Variants in ZNF469 observed in about 807,000 individuals in gnomAD.
The protein encoded by ZNF469 is zinc finger protein 469.
ZNF469 carries 1 observed loss-of-function variant against 1.0 expected under a neutral mutation model. The ratio of observed to expected loss-of-function variants is 1.00; its 90% CI spans 0.35 to 4.73. ZNF469 has a LOEUF of 4.73. Ranked by LOEUF, ZNF469 falls within the 30% of genes most tolerant of loss-of-function variation. ZNF469 has a pLI of 0.16. For missense variants in ZNF469, 6,100 were observed against 5,356.3 expected, an observed-to-expected ratio of 1.14 and a Z score of -4.33; for synonymous variants, 2,703 against 2,363.4, an observed-to-expected ratio of 1.14 and a Z score of -4.17.
rs144565745 is a variant in ZNF469, at chr16:88,418,997, G to A, written c.-191-5810G>A. 2.5e-3 allele frequency among the ~76,000 whole-genome samples: 384 copies of A among 152,330 alleles called. 3 individuals carry two copies. The highest frequency in any genetic ancestry group is 8.8e-3 in the African/African-American group (365 of 41,570). On this transcript the variant is annotated intron_variant, in intron 1 of 2. Coordinates refer to ENST00000565624, the MANE Select transcript of ZNF469 (RefSeq NM_001367624.2). ...ACCAGGGTTTGGGGTGAGCCTGGCC[G>A]CCTGCCCAAGTTGTGAATGGGGCCG...
rs770109867 is a variant in ZNF469 at position 88,439,015 on chromosome 16, C to T, written c.11545C>T (p.Arg3849Trp). ...CCCTGACAAGCCCCCCCGGACCCCT[C>T]GGAAGCAGGCAACTCCCAGCCGCGT... ...SAPDKPPRTP[R>W]KQATPSRVLP... Residue 3849 changes from arginine (R) to tryptophan (W), a missense_variant, in exon 3 of 3, where the codon CGG becomes TGG. Physicochemically the swap from Arg to Trp is moderately radical, Grantham distance 101. Transcript: ENST00000565624. The T allele has an allele frequency of 9.3e-5, 144 of 1,550,306 alleles. No individual in the cohort carries two copies. The highest frequency in any genetic ancestry group is 1.2e-4 in the Non-Finnish European group (136 of 1,146,990).
chr16:88,134,414 G>A, the ZNF469 span, among the ~76,000 whole-genome samples: 3,483 of 152,292 alleles, frequency 0.023, 121 homozygotes, highest in African/African-American at 0.079. Context: ...GGTCTGCGTG[G>A]TTGCACCACC....
chr16:88,266,182 G>A, the ZNF469 span, among the ~76,000 whole-genome samples: 2 of 152,260 alleles, frequency 1.3e-5, no homozygotes, highest in Admixed American at 1.3e-4. Context: ...AGGCTCAGGA[G>A]GGCAGGGGGC....
chr16:88,229,810 C>T, the ZNF469 span, among the ~76,000 whole-genome samples: 5 of 152,178 alleles, frequency 3.3e-5, no homozygotes, highest in Admixed American at 3.3e-4. Flanking sequence ...ACCTCCTCCT[C>T]CACTCTGCCC....
chr16:88,367,111 G>A, the ZNF469 span, among the ~76,000 whole-genome samples: 6 of 152,264 alleles, frequency 3.9e-5, no homozygotes, highest in East Asian at 1.2e-3. Context: ...TCCCCTCAGT[G>A]CCTGTCACAG....
At chr16:88,231,709 C>T in the ZNF469 span, among the ~76,000 whole-genome samples, 1 of 152,190 alleles carries the variant, frequency 6.6e-6, no homozygotes, top group Non-Finnish European at 1.5e-5. The surrounding 1 kb of genome is among the most constrained non-coding windows in gnomAD (Gnocchi z 4.5). Flanking sequence ...CCTGTGAGCC[C>T]CCCGCCTCCC....
the ZNF469 span, among the ~76,000 whole-genome samples, chr16:88,362,889 C>G: frequency 6.6e-6 from 1 of 152,310 alleles, no homozygotes; most frequent in African/African-American, 2.4e-5. Flanking sequence ...CTCTGAGGCT[C>G]TGTTAATTTT....
the ZNF469 span, among the ~76,000 whole-genome samples, chr16:88,127,066 G>A: frequency 0.1 from 15,460 of 152,104 alleles, 868 homozygotes; most frequent in African/African-American, 0.13. Flanking sequence ...CAGGTGATCC[G>A]TCCGCCTCGG....
At chr16:88,414,388 G>T (rs1905252372) in intron 1 of ZNF469, among the ~76,000 whole-genome samples, 1 of 152,254 alleles carries the variant, frequency 6.6e-6, no homozygotes, top group African/African-American at 2.4e-5. Context: ...GGGGCACCTG[G>T]AGGAGGCCAC....
At position 88,436,702 on chromosome 16, in the gene ZNF469, T is replaced by A. The variant is rs1420087483; in HGVS notation, c.9232T>A (p.Phe3078Ile). 1 of 1,549,840 alleles carries A rather than the reference T, an allele frequency of 6.5e-7. No individual in the cohort carries two copies. The highest frequency in any genetic ancestry group is 8.7e-7 in the Non-Finnish European group (1 of 1,146,654). Residue 3078 changes from phenylalanine (F) to isoleucine (I), a missense_variant, in exon 3 of 3, where the codon TTC (phenylalanine) becomes ATC (isoleucine). Transcript: ENST00000565624. Reference sequence around the variant, plus strand: ...TCTCCCCGGCCCCAGCTTCTTAGACTTCGAGGGCACGGCGAGCTCACAGGG... The same window carrying A: ...TCTCCCCGGCCCCAGCTTCTTAGACATCGAGGGCACGGCGAGCTCACAGGG... ...VGLPGPSFLD[F>I]EGTASSQGPQ...
the ZNF469 span, among the ~76,000 whole-genome samples, chr16:88,324,053 C>T: frequency 1.3e-5 from 2 of 152,242 alleles, no homozygotes; most frequent in Non-Finnish European, 2.9e-5. Flanking sequence ...ACACAGGCTT[C>T]AGCTGGAGCA....
At chr16:88,247,737 ATGAG>A in the ZNF469 span, among the ~76,000 whole-genome samples, 4 of 151,558 alleles carry the variant, frequency 2.6e-5, no homozygotes, top group East Asian at 5.9e-4. Context: ...GAGTGAGTCA[ATGAG>A]TGAGTGAATG....
rs754253956 is a variant in ZNF469 at position 88,433,560 on chromosome 16, C to T, written c.6090C>T (p.Thr2030=). The change falls in exon 3 of 3, where the codon ACC becomes ACT. Residue 2030 remains threonine, a synonymous_variant. Coordinates refer to ENST00000565624, the MANE Select transcript of ZNF469 (RefSeq NM_001367624.2). ...ASPKTALTGP[T]EGAVLLEKCK... ...CCAAAACAGCGCTGACCGGCCCCAC[C>T]GAGGGTGCAGTCCTGCTAGAGAAAT... 7 of 1,550,258 alleles carry T rather than the reference C, an allele frequency of 4.5e-6. No homozygotes were observed. Among genetic ancestry groups the T allele is most frequent in the Admixed American group, 2.0e-5 (1 of 50,986 alleles).
chr16:88,247,071 CTGAG>C, the ZNF469 span, among the ~76,000 whole-genome samples: 22 of 129,154 alleles, frequency 1.7e-4, no homozygotes, highest in Admixed American at 3.1e-4. Flanking sequence ...GAGTGAGTGA[CTGAG>C]TGAGTGAATG....
the ZNF469 span, among the ~76,000 whole-genome samples, chr16:88,340,801 G>T: frequency 1.3e-5 from 2 of 152,134 alleles, no homozygotes; most frequent in African/African-American, 4.8e-5. Context: ...AGAGGGTGAT[G>T]CACAGGGAGG....
At chr16:88,327,852 C>T in the ZNF469 span, among the ~76,000 whole-genome samples, 8 of 152,242 alleles carry the variant, frequency 5.3e-5, no homozygotes, top group African/African-American at 1.4e-4. Flanking sequence ...ATCCCGAGTT[C>T]AGCTGGGGCC....
the ZNF469 span, among the ~76,000 whole-genome samples, chr16:88,208,480 G>A: frequency 2.3e-5 from 3 of 133,146 alleles, no homozygotes; most frequent in Non-Finnish European, 4.8e-5. Flanking sequence ...AGAGGAGGGA[G>A]GGAGGGAGGG....
the ZNF469 span, among the ~76,000 whole-genome samples, chr16:88,213,073 T>G: frequency 2.0e-5 from 3 of 152,066 alleles, no homozygotes; most frequent in African/African-American, 7.2e-5. Context: ...TTTAGTCACT[T>G]GAAATGTTTT....
chr16:88,371,712 C>T, the ZNF469 span, among the ~76,000 whole-genome samples: 3 of 152,184 alleles, frequency 2.0e-5, no homozygotes, highest in Admixed American at 1.3e-4. Context: ...TAGCCAGCCA[C>T]CAACATCACA....
Sources: gnomAD v4.1 joint callset for allele counts (sites outside exome capture counted in the v4.1 genomes callset) on GRCh38, gnomAD v4.1.1 for gene constraint, Gnocchi (gnomAD v3.1) non-coding constraint, MANE v1.5 for transcripts, NCBI Gene and HGNC (gene_info 2026-07-23, HGNC 2026-07-21) for gene names.